TMA16: variants seen among roughly 807,000 people sequenced by gnomAD.
TMA16 encodes the protein translation machinery-associated protein 16.
TMA16 carries 26 observed loss-of-function variants against 27.1 expected under a neutral mutation model. That is an observed-to-expected ratio of 0.96 (90% CI 0.70 to 1.33). The LOEUF is 1.33. TMA16 is among the 40% of genes most tolerant of loss of function. The probability of loss-of-function intolerance (pLI) is 0.00; values close to 1 mark genes in which losing one functional copy is unlikely to be tolerated. For synonymous variants in TMA16, 71 were observed against 81.9 expected (o/e 0.87, Z 0.72); for missense variants, 233 against 241.4 (o/e 0.97, Z 0.23).
intron 2 of TMA16, among the ~76,000 whole-genome samples, chr4:163,510,965 T>C (rs534596034): frequency 6.6e-6 from 1 of 152,350 alleles, no homozygotes; most frequent in South Asian, 2.1e-4. Flanking sequence ...TTTTCATTTT[T>C]CTTTTACTTC....
chr4:163,518,612 A>G (rs1219936907), intron 6 of TMA16, among the ~76,000 whole-genome samples: 1 of 152,210 alleles, frequency 6.6e-6, no homozygotes, highest in Non-Finnish European at 1.5e-5. Flanking sequence ...TTTAATGTTA[A>G]TTGAAATTAG....
chr4:163,495,276 A>G (rs1418220389), intron 1 of TMA16, among the ~76,000 whole-genome samples: 2 of 152,190 alleles, frequency 1.3e-5, no homozygotes, highest in Non-Finnish European at 2.9e-5. Flanking sequence ...CATTCGCTCC[A>G]GGGCACTGAA....
At chr4:163,507,956 T>G (rs1737741183) in intron 2 of TMA16, among the ~76,000 whole-genome samples, 1 of 152,070 alleles carries the variant, frequency 6.6e-6, no homozygotes, top group South Asian at 2.1e-4. Context: ...AAGCTTTATA[T>G]AGTAAAGGTT....
Position 163,517,454 on chromosome 4 carries a change from G to T in TMA16, c.409G>T (p.Ala137Ser), listed in dbSNP as rs370762801. The change falls in exon 6 of 7, where the codon GCA becomes TCA. Residue 137 changes from alanine (A) to serine (S), a missense_variant. By Grantham distance (99) the Ala-to-Ser change is moderately conservative. Transcript: ENST00000358572. Reference protein sequence around the residue: ...YGLEIPDILNASNLKTFREWD... With the variant: ...YGLEIPDILNSSNLKTFREWD... ...TCCAGAGATTCCAGACATTCTAAAT[G>T]CAAGTAATCTGAAAACATTTAGGTG... 6.2e-7 allele frequency: 1 copy of T among 1,613,510 alleles called. No homozygotes were observed.
At chr4:163,499,822 A>G (rs866192785) in intron 1 of TMA16, among the ~76,000 whole-genome samples, 2 of 152,190 alleles carry the variant, frequency 1.3e-5, no homozygotes, top group African/African-American at 2.4e-5. Flanking sequence ...TGGAGGGCCA[A>G]CTGAATTTAT....
At chr4:163,517,316 A>G (rs1024675218) in intron 5 of TMA16, 118 bp from the exon 6 acceptor site, 3 of 956,100 alleles carry the variant, frequency 3.1e-6, no homozygotes, top group South Asian at 1.5e-5. Flanking sequence ...AATTACAGCA[A>G]TACTTCGAAA....
chr4:163,510,270 A>G (rs1737773336), intron 2 of TMA16, among the ~76,000 whole-genome samples: 2 of 152,182 alleles, frequency 1.3e-5, no homozygotes, highest in Admixed American at 1.3e-4. Context: ...AACACATTTT[A>G]AGTGTAGTTT....
At chr4:163,515,221 A>T in intron 4 of TMA16, 92 bp from the exon 5 acceptor site, 1 of 1,286,370 alleles carries the variant, frequency 7.8e-7, no homozygotes, top group East Asian at 2.6e-5. Context: ...TTTAAAGGCC[A>T]CATGAAGGCT....
At position 163,505,684 on chromosome 4, in the gene TMA16, C is replaced by T. The variant is rs370340284; in HGVS notation, c.4-1349C>T. On this transcript the variant is annotated intron_variant, in intron 1 of 6. Coordinates refer to ENST00000358572, the MANE Select transcript of TMA16 (RefSeq NM_018352.3). ...AGCATGGGAAATAATGGTGGAGAAG[C>T]AGGTTGGGGCTAGATTGTTTCTGTG... 4.6e-5 allele frequency among the ~76,000 whole-genome samples: 7 copies of T among 152,210 alleles called. No individual in the cohort carries two copies. In the East Asian group the frequency reaches 1.4e-3, roughly 29 times the overall value.
Position 163,520,365 on chromosome 4 carries a change from A to AT in TMA16, c.*861dup, listed in dbSNP as rs80347859. 14,683 of 158,852 alleles carry AT rather than the reference A, an allele frequency of 0.092. 791 individuals are homozygous for AT. Among genetic ancestry groups the AT allele is most frequent in the East Asian group, 0.16 (868 of 5,316 alleles). 9.8% of individuals were successfully genotyped at this position (158,852 alleles called of 1,614,324 possible). The stretch of plus-strand genomic sequence containing the variant: ...AAACTTTTTAAATGTAAGTATCCTT[A>AT]TTTTTTTTTTAAAAGAGCACAATGT... On this transcript the variant is annotated 3_prime_UTR_variant, in exon 7 of 7. Transcript: ENST00000358572.
intron 2 of TMA16, chr4:163,512,364 G>A (rs1329330795): frequency 6.6e-6 from 1 of 152,670 alleles, no homozygotes; most frequent in Non-Finnish European, 1.5e-5. Context: ...TGAAATTTTT[G>A]TTTGTTATAA....
chr4:163,503,623 A>T (rs187384673), intron 1 of TMA16, among the ~76,000 whole-genome samples: 2 of 152,198 alleles, frequency 1.3e-5, no homozygotes, highest in South Asian at 4.1e-4. Flanking sequence ...TTCAGACTGA[A>T]TTTTTTGAAT....
At chr4:163,495,021 G>C (rs1263500836) in intron 1 of TMA16, among the ~76,000 whole-genome samples, 1 of 152,232 alleles carries the variant, frequency 6.6e-6, no homozygotes, top group African/African-American at 2.4e-5. Context: ...GAGTGCTGAA[G>C]TGCTCACACG....
At chr4:163,505,757 G>C (rs967388805) in intron 1 of TMA16, among the ~76,000 whole-genome samples, 12 of 152,174 alleles carry the variant, frequency 7.9e-5, no homozygotes, top group South Asian at 2.1e-4. Context: ...CTTTAAGCAG[G>C]GGAGAGGGAC....
At position 163,519,841 on chromosome 4, in the gene TMA16, T is replaced by G; in HGVS notation, c.*327T>G. On this transcript the variant is annotated 3_prime_UTR_variant, in exon 7 of 7. Coordinates refer to ENST00000358572, the MANE Select transcript of TMA16 (RefSeq NM_018352.3). ...TATTTATGATCACCTAATTTCACGT[T>G]TTGTGAAATGGACAGTAACCTGTTT... 1 of 512,028 alleles carries G rather than the reference T, an allele frequency of 2.0e-6. No individual in the cohort carries two copies. The highest frequency in any genetic ancestry group is 3.4e-6 in the Non-Finnish European group (1 of 289,856). The allele number at this position is 512,028 out of a possible 1,614,324, so 31.7% of individuals were successfully genotyped here. A position where few individuals can be genotyped will look rare whatever the true frequency, so the allele number is the denominator to read the frequency against.
Position 163,520,524 on chromosome 4 carries a change from T to G in TMA16, c.*1010T>G, listed in dbSNP as rs1413515072. 1 of 151,584 alleles carries G rather than the reference T, an allele frequency of 6.6e-6. No homozygotes were observed. Among genetic ancestry groups the G allele is most frequent in the Non-Finnish European group, 1.5e-5 (1 of 67,920 alleles). The allele number at this position is 151,584 out of a possible 1,614,324, so 9.4% of individuals were successfully genotyped here. On this transcript the variant is annotated 3_prime_UTR_variant, in exon 7 of 7. Transcript: ENST00000358572. ...ACTTCTGAAAATTAAAAATAAAATT[T>G]ATTTCTGCAATTTCATTTCTTACAG...
chr4:163,507,245 A>G (rs1054158663), intron 2 of TMA16, 100 bp downstream of exon 2: 17 of 1,043,848 alleles, frequency 1.6e-5, no homozygotes, highest in Non-Finnish European at 2.3e-5. Flanking sequence ...TCTCCCTTTC[A>G]TAAATATTTA....
chr4:163,498,992 CTG>C lies in TMA16; in HGVS notation c.3+4190_3+4191del, dbSNP rs144556662. 9.3e-3 allele frequency among the ~76,000 whole-genome samples: 1,418 copies of C among 152,306 alleles called. 24 individuals carry two copies. Among genetic ancestry groups the C allele is most frequent in the East Asian group, 0.067 (347 of 5,178 alleles). ...TACTATCAAATTGCCTTCCAGAAGA[CTG>C]TACTGGCTTGCACCCCCTTGAACTA... On this transcript the variant is annotated intron_variant, in intron 1 of 6. Coordinates refer to ENST00000358572, the MANE Select transcript of TMA16 (RefSeq NM_018352.3).
chr4:163,514,073 G>A lies in TMA16; in HGVS notation c.155-1G>A, dbSNP rs1188617980. Reference sequence around the variant, plus strand: ...ACTGTCTTGGTACTTGTTGTTTATAGGTGAAAAACTGCAATGGTTTCAAAA... The same window carrying A: ...ACTGTCTTGGTACTTGTTGTTTATAAGTGAAAAACTGCAATGGTTTCAAAA... On this transcript the variant is annotated splice_acceptor_variant, in intron 3 of 6. Coordinates refer to ENST00000358572, the MANE Select transcript of TMA16 (RefSeq NM_018352.3). LOFTEE classifies it high-confidence loss of function. 11 of 1,603,884 alleles carry A rather than the reference G, an allele frequency of 6.9e-6. No homozygotes were observed. The highest frequency in any genetic ancestry group is 1.3e-5 in the African/African-American group (1 of 74,390).
Sources: gnomAD v4.1 joint callset for allele counts (sites outside exome capture counted in the v4.1 genomes callset) on GRCh38, gnomAD v4.1.1 for gene constraint, MANE v1.5 for transcripts, NCBI Gene and HGNC (gene_info 2026-07-23, HGNC 2026-07-21) for gene names.